GRID2: variants seen among roughly 807,000 people sequenced by gnomAD.
GRID2 encodes the protein glutamate receptor ionotropic, delta-2.
In GRID2, 33 loss-of-function variants were observed where a neutral mutation model predicts 114.8. That is an observed-to-expected ratio of 0.29 (90% CI 0.22 to 0.38). The LOEUF (loss-of-function observed/expected upper bound fraction) is 0.38. GRID2 is among the 10% of genes least tolerant of loss of function. GRID2 has a pLI of 1.00. For missense variants in GRID2, 1,184 were observed against 1,257.7 expected, an observed-to-expected ratio of 0.94 and a Z score of 0.89; for synonymous variants, 505 against 449.9, an observed-to-expected ratio of 1.12 and a Z score of -1.55.
At position 93,372,287 on chromosome 4, in the gene GRID2, G is replaced by A. The variant is rs933139448; in HGVS notation, c.1246-23320G>A. Among the ~76,000 whole-genome samples, 9 of 152,158 alleles carry A rather than the reference G, an allele frequency of 5.9e-5. No homozygotes were observed. The East Asian group carries it at 1.7e-3, about 29-fold the overall frequency. ...AGTTAATTTTGAATTGGGTCTTCAA[G>A]GAACATAACAATTTGAAAAGACAGA... On this transcript the variant is annotated intron_variant, in intron 8 of 15. Transcript: ENST00000282020.
chr4:92,635,232 T>C (rs1731011056), intron 2 of GRID2, among the ~76,000 whole-genome samples: 1 of 152,068 alleles, frequency 6.6e-6, no homozygotes, highest in African/African-American at 2.4e-5. Flanking sequence ...AGCAGCACTT[T>C]GAGTTTGATT....
intron 1 of GRID2, among the ~76,000 whole-genome samples, chr4:92,580,091 A>G (rs967217879): frequency 1.3e-5 from 2 of 149,766 alleles, no homozygotes; most frequent in Non-Finnish European, 3.0e-5. Context: ...GCTGTTATAT[A>G]TATTGCAGCT....
intron 2 of GRID2, among the ~76,000 whole-genome samples, chr4:92,745,017 A>T (rs1313817844): frequency 6.6e-6 from 1 of 152,174 alleles, no homozygotes; most frequent in South Asian, 2.1e-4. Context: ...TATAAAGTAA[A>T]TGAGAAGATT....
intron 1 of GRID2, among the ~76,000 whole-genome samples, chr4:92,327,528 T>C (rs1365572632): frequency 6.6e-6 from 1 of 151,988 alleles, no homozygotes; most frequent in East Asian, 1.9e-4. Context: ...TAAGAGTGCT[T>C]AGTTAGCCAT....
chr4:92,420,474 A>G (rs1731846703), intron 1 of GRID2, among the ~76,000 whole-genome samples: 1 of 152,158 alleles, frequency 6.6e-6, no homozygotes, highest in South Asian at 2.1e-4. Flanking sequence ...AATATAATAA[A>G]AGGGAGAGCA....
intron 1 of GRID2, among the ~76,000 whole-genome samples, chr4:92,339,410 C>A (rs944586400): frequency 3.9e-5 from 6 of 152,040 alleles, no homozygotes; most frequent in Non-Finnish European, 8.8e-5. Context: ...CCTATGATAG[C>A]AAAGGAAGAA....
chr4:92,943,601 G>C lies in GRID2; in HGVS notation c.245-141394G>C, dbSNP rs186641397. 6.6e-5 allele frequency among the ~76,000 whole-genome samples: 10 copies of C among 152,254 alleles called. No homozygotes were observed. The East Asian group carries it at 1.2e-3, about 18-fold the overall frequency. On this transcript the variant is annotated intron_variant, in intron 2 of 15. Transcript: ENST00000282020. ...ACTCGTCAAAGTCATTCTCCATCCA[G>C]CTTTGTTCCATTGCTGGTGAGGAGC...
At chr4:93,276,253 T>G (rs1752046675) in intron 8 of GRID2, among the ~76,000 whole-genome samples, 1 of 152,040 alleles carries the variant, frequency 6.6e-6, no homozygotes, top group South Asian at 2.1e-4. Flanking sequence ...TGAAATACAA[T>G]TGACTATAAA....
At chr4:93,657,090 A>G (rs1578494163) in intron 14 of GRID2, among the ~76,000 whole-genome samples, 10 of 152,024 alleles carry the variant, frequency 6.6e-5, no homozygotes, top group Middle Eastern at 3.4e-3. Context: ...CATTTTAGTA[A>G]CTCTACCTAG....
At chr4:92,738,378 C>T (rs1470140926) in intron 2 of GRID2, among the ~76,000 whole-genome samples, 2 of 152,032 alleles carry the variant, frequency 1.3e-5, no homozygotes, top group African/African-American at 4.8e-5. Flanking sequence ...CAGAAAAAGT[C>T]TTAGATATTC....
chr4:93,338,924 G>A (rs1240028397), intron 8 of GRID2, among the ~76,000 whole-genome samples: 2 of 152,080 alleles, frequency 1.3e-5, no homozygotes, highest in African/African-American at 4.8e-5. Flanking sequence ...GGAAACAATT[G>A]TATGTGACTT....
chr4:93,388,463 A>G (rs978669883), intron 8 of GRID2, among the ~76,000 whole-genome samples: 1 of 152,134 alleles, frequency 6.6e-6, no homozygotes, highest in South Asian at 2.1e-4. Context: ...TCAGTGCTTT[A>G]GAAACAATGT....
intron 12 of GRID2, among the ~76,000 whole-genome samples, chr4:93,499,805 G>A (rs1047098425): frequency 6.6e-6 from 1 of 151,810 alleles, no homozygotes; most frequent in African/African-American, 2.4e-5. Context: ...TAAATACTTT[G>A]CATGGGTTTT....
chr4:92,526,574 C>G (rs1209033925), intron 1 of GRID2, among the ~76,000 whole-genome samples: 2 of 152,090 alleles, frequency 1.3e-5, no homozygotes, highest in South Asian at 2.1e-4. Flanking sequence ...GAACTCCTGC[C>G]CATATGTGAT....
chr4:92,377,220 C>A (rs1266628949), intron 1 of GRID2, among the ~76,000 whole-genome samples: 1 of 152,252 alleles, frequency 6.6e-6, no homozygotes, highest in African/African-American at 2.4e-5. Context: ...TTAGAAATTT[C>A]TTCTGCCAGA....
chr4:93,679,292 C>T (rs1390291207), intron 14 of GRID2, among the ~76,000 whole-genome samples: 1 of 150,958 alleles, frequency 6.6e-6, no homozygotes, highest in African/African-American at 2.5e-5. Flanking sequence ...TCCTTAGTGA[C>T]CTACAAAGAG....
chr4:92,445,378 A>G (rs904992297), intron 1 of GRID2, among the ~76,000 whole-genome samples: 1 of 152,224 alleles, frequency 6.6e-6, no homozygotes, highest in Non-Finnish European at 1.5e-5. Flanking sequence ...GTGAAGGATG[A>G]TGCCTTCCAG....
At chr4:93,214,322 G>C (rs902430479) in intron 5 of GRID2, among the ~76,000 whole-genome samples, 3 of 151,748 alleles carry the variant, frequency 2.0e-5, no homozygotes, top group African/African-American at 7.3e-5. Flanking sequence ...TTTATTTCTG[G>C]ACTTTTTTCC....
At chr4:93,119,935 A>G (rs1321288666) in intron 4 of GRID2, among the ~76,000 whole-genome samples, 2 of 152,164 alleles carry the variant, frequency 1.3e-5, no homozygotes, top group Non-Finnish European at 2.9e-5. Flanking sequence ...AGTTCCTTGT[A>G]GATTCTGGGT....
Sources: allele counts gnomAD v4.1 joint callset (sites outside exome capture counted in the v4.1 genomes callset), GRCh38; gene constraint gnomAD v4.1.1; transcripts MANE v1.5; gene names NCBI Gene and HGNC (gene_info 2026-07-23, HGNC 2026-07-21).